Variants in MGA observed in about 807,000 individuals in gnomAD.
MGA encodes MAX dimerization protein MGA, also known as MAX gene-associated protein.
In MGA, 40 loss-of-function variants were observed where a neutral mutation model predicts 261.1. The observed-to-expected ratio is 0.15, with a 90% confidence interval of 0.12 to 0.20. The LOEUF is 0.20. Among genes scored for constraint, MGA ranks in the 10% least tolerant of loss-of-function variants. The probability of loss-of-function intolerance (pLI) is 1.00; values close to 1 mark genes in which losing one functional copy is unlikely to be tolerated. For synonymous variants in MGA, 1,302 were observed against 1,290.6 expected (o/e 1.01, Z -0.19); for missense variants, 3,397 against 3,630.5 (o/e 0.94, Z 1.65).
rs869061461 is a variant in MGA, at chr15:41,746,544, CAAA to C, written c.5213-2072_5213-2070del. On this transcript the variant is annotated intron_variant, in intron 15 of 23. Coordinates refer to ENST00000219905, the MANE Select transcript of MGA (RefSeq NM_001164273.2). Reference sequence around the variant, plus strand: ...TGGGCAACAGAGCGAGACTTCGTCTCAAAAAAAAAAAAAAAAAAAAAAAGGTAG... The same window carrying C: ...TGGGCAACAGAGCGAGACTTCGTCTCAAAAAAAAAAAAAAAAAAAAGGTAG... Among the ~76,000 whole-genome samples, 8 of 61,864 alleles carry C rather than the reference CAAA, an allele frequency of 1.3e-4. No individual in the cohort carries two copies. The South Asian group carries it at 5.0e-3, about 39-fold the overall frequency. 40.6% of individuals were successfully genotyped at this position (61,864 alleles called of 152,430 possible). A position where few individuals can be genotyped will look rare whatever the true frequency, so the allele number is the denominator to read the frequency against.
rs1284181834 is a variant in MGA, at chr15:41,696,530, A to G, written c.1520A>G (p.Tyr507Cys). Reference sequence around the variant, plus strand: ...TCTTCTATGTTGGCAGAATTGGAATATTTGCCTACATACATTGAAAATTCC... The same window carrying G: ...TCTTCTATGTTGGCAGAATTGGAATGTTTGCCTACATACATTGAAAATTCC... Residue 507 changes from tyrosine to cysteine, a missense_variant, in exon 3 of 24, where the codon TAT becomes TGT. Tyr to Cys is a radical substitution (Grantham distance 194, BLOSUM62 -2). Coordinates refer to ENST00000219905, the MANE Select transcript of MGA (RefSeq NM_001164273.2). 17 of 1,613,834 alleles carry G rather than the reference A, an allele frequency of 1.1e-5. No individual in the cohort carries two copies. The highest frequency in any genetic ancestry group is 1.3e-5 in the Non-Finnish European group (15 of 1,179,900).
At position 41,762,117 on chromosome 15, in the gene MGA, G is replaced by C; in HGVS notation, c.7511-12G>C. 6.3e-7 allele frequency: 1 copy of C among 1,596,714 alleles called. No individual in the cohort carries two copies. Among genetic ancestry groups the C allele is most frequent in the African/African-American group, 1.3e-5 (1 of 74,638 alleles). On this transcript the variant is annotated splice_polypyrimidine_tract_variant and intron_variant, in intron 21 of 23. Coordinates refer to ENST00000219905, the MANE Select transcript of MGA (RefSeq NM_001164273.2). Reference sequence around the variant, plus strand: ...AATGCTGAAAGTGCTAATGTATTCTGTTAACTTACAGGTAAGACAGAAGAA... The same window carrying C: ...AATGCTGAAAGTGCTAATGTATTCTCTTAACTTACAGGTAAGACAGAAGAA...
Position 41,696,909 on chromosome 15 carries a change from A to G in MGA, c.1899A>G (p.Gly633=), listed in dbSNP as rs1326067654. 6.3e-7 allele frequency: 1 copy of G among 1,599,970 alleles called. No homozygotes were observed. The highest frequency in any genetic ancestry group is 1.7e-5 in the Admixed American group (1 of 57,658). ...CAGGACGACCACCTAAGAACACAGG[A>G]AAGTCTTTAATTTCTACAAAGAATA... is the stretch of plus-strand genomic sequence containing the variant. Residue 633 remains glycine (G), a synonymous_variant, in exon 3 of 24, where the codon GGA becomes GGG. Transcript: ENST00000219905.
chr15:41,674,500 A>G (rs911553410), intron 2 of MGA, among the ~76,000 whole-genome samples: 2 of 151,746 alleles, frequency 1.3e-5, no homozygotes, highest in Admixed American at 6.6e-5. Context: ...GCCCAGCTTA[A>G]TAGTGATTAT....
At chr15:41,718,447 T>C in intron 9 of MGA, 1 of 1,026,278 alleles carries the variant, frequency 9.7e-7, no homozygotes, top group Non-Finnish European at 1.5e-6. Context: ...AGCTGAGGAA[T>C]AGCTTTGATT....
rs777334913 is a variant in MGA, at chr15:41,673,540, C to CTTTT, written c.1064+3598_1064+3601dup. Reference sequence around the variant, plus strand: ...GCTGTTGTAGTCTTTTTCTTTCTTTCTTTTTTTTTTTTTTTTTTTGAGATG... The same window carrying CTTTT: ...GCTGTTGTAGTCTTTTTCTTTCTTTCTTTTTTTTTTTTTTTTTTTTTTTGAGATG... On this transcript the variant is annotated intron_variant, in intron 2 of 23. Transcript: ENST00000219905. 2.1e-4 allele frequency among the ~76,000 whole-genome samples: 25 copies of CTTTT among 118,934 alleles called. 1 individual carries two copies. Among genetic ancestry groups the CTTTT allele is most frequent in the East Asian group, 5.1e-4 (2 of 3,928 alleles). The allele number at this position is 118,934 out of a possible 152,430, so 78.0% of individuals were successfully genotyped here.
intron 16 of MGA, 82 bp downstream of exon 16, chr15:41,749,009 T>C: frequency 1.3e-6 from 2 of 1,548,982 alleles, no homozygotes; most frequent in Non-Finnish European, 1.7e-6. Flanking sequence ...ATTGTTTTTC[T>C]TCATCTCTTA....
rs780870511 is a variant in MGA at position 41,760,280 on chromosome 15, A to G, written c.7192-43A>G. ...CATTTGAAACAGAGTAAGAGGGCCAACTACATGTTCAAGATGTTTAGGAGG... is the reference window on the plus strand; with the variant it reads ...CATTTGAAACAGAGTAAGAGGGCCAGCTACATGTTCAAGATGTTTAGGAGG... On this transcript the variant is annotated intron_variant, in intron 19 of 23. Transcript: ENST00000219905. 5.0e-6 allele frequency: 8 copies of G among 1,592,114 alleles called. No individual in the cohort carries two copies. The East Asian group carries it at 1.6e-4, about 31-fold the overall frequency.
At chr15:41,739,871 A>G (rs1200004066) in intron 13 of MGA, 35 bp from the exon 14 acceptor site, 1 of 1,591,008 alleles carries the variant, frequency 6.3e-7, no homozygotes, top group Non-Finnish European at 8.6e-7. Context: ...AGAGAATTTT[A>G]TCTTTACAGA....
intron 2 of MGA, among the ~76,000 whole-genome samples, chr15:41,680,271 G>T (rs183517158): frequency 3.9e-5 from 6 of 152,170 alleles, no homozygotes; most frequent in East Asian, 3.9e-4. Context: ...TTCTAGTTTT[G>T]CCCTTGTCAG....
upstream of MGA, among the ~76,000 whole-genome samples, chr15:41,656,367 T>TCTCTCTC (rs1566936569): frequency 2.9e-5 from 4 of 140,350 alleles, no homozygotes; most frequent in Non-Finnish European, 6.4e-5. Context: ...TCTCTCTCTC[T>TCTCTCTC]CTCTCTCTCT....
rs532936813 is a variant in MGA, at chr15:41,702,164, A to C, written c.2188+3005A>C. 9.9e-5 allele frequency among the ~76,000 whole-genome samples: 15 copies of C among 152,236 alleles called. No individual in the cohort carries two copies. The South Asian group carries it at 1.2e-3, about 13-fold the overall frequency. On this transcript the variant is annotated intron_variant, in intron 5 of 23. Coordinates refer to ENST00000219905, the MANE Select transcript of MGA (RefSeq NM_001164273.2). ...GCGAAACTCCGTCTCTACTAAAAATACAAAAAATTAGCCAGGTGTGGTGGT... is the reference window on the plus strand; with the variant it reads ...GCGAAACTCCGTCTCTACTAAAAATCCAAAAAATTAGCCAGGTGTGGTGGT...
At position 41,736,364 on chromosome 15, in the gene MGA, T is replaced by G; in HGVS notation, c.4100T>G (p.Leu1367Arg). 6.2e-7 allele frequency: 1 copy of G among 1,613,986 alleles called. No individual in the cohort carries two copies. Among genetic ancestry groups the G allele is most frequent in the Non-Finnish European group, 8.5e-7 (1 of 1,179,878 alleles). Reference sequence around the variant, plus strand: ...ATCAATAGCAACATGCCACAATCACTTAAGGTGGGCAGCTTCATCATTGAG... The same window carrying G: ...ATCAATAGCAACATGCCACAATCACGTAAGGTGGGCAGCTTCATCATTGAG... Residue 1367 changes from leucine (L) to arginine (R), a missense_variant, in exon 13 of 24, where the codon CTT (leucine) becomes CGT (arginine). By Grantham distance (102) the Leu-to-Arg change is moderately radical. Around this residue, in one of 9 missense-constraint regions of MGA, gnomAD observed 1,410 missense variants for 1,386.4 expected, o/e 1.02. Coordinates refer to ENST00000219905, the MANE Select transcript of MGA (RefSeq NM_001164273.2).
intron 5 of MGA, among the ~76,000 whole-genome samples, chr15:41,704,704 C>T (rs1047262075): frequency 6.6e-6 from 1 of 152,122 alleles, no homozygotes; most frequent in African/African-American, 2.4e-5. Flanking sequence ...TGGAGTTTTC[C>T]TTATAATATG....
Position 41,766,067 on chromosome 15 carries a change from G to A in MGA, c.7985G>A (p.Gly2662Asp), listed in dbSNP as rs765543275. 3 of 1,578,510 alleles carry A rather than the reference G, an allele frequency of 1.9e-6. No homozygotes were observed. Among genetic ancestry groups the A allele is most frequent in the African/African-American group, 1.4e-5 (1 of 73,952 alleles). Residue 2662 changes from glycine (G) to aspartate (D), a missense_variant, in exon 24 of 24, where the codon GGT (glycine) becomes GAT (aspartate). Physicochemically the swap from Gly to Asp is moderately conservative, Grantham distance 94. This residue lies in a region of MGA where 647 missense variants were observed against 642.4 expected (regional missense o/e 1.01). Coordinates refer to ENST00000219905, the MANE Select transcript of MGA (RefSeq NM_001164273.2). The stretch of plus-strand genomic sequence containing the variant: ...GTGACATCATTGGCCACAGAGGGAG[G>A]TTTGGTAGATATGGGTGGCAGCAAA...
chr15:41,703,372 C>CCA (rs2059949558), intron 5 of MGA, among the ~76,000 whole-genome samples: 1 of 135,114 alleles, frequency 7.4e-6, no homozygotes, highest in Non-Finnish European at 1.6e-5. Flanking sequence ...GAAGTTACCC[C>CCA]CCCCCCCACT....
chr15:41,699,647 G>A (rs940161162), intron 5 of MGA, among the ~76,000 whole-genome samples: 5 of 152,168 alleles, frequency 3.3e-5, no homozygotes, highest in Admixed American at 6.5e-5. Flanking sequence ...GACCACAGGC[G>A]CCTGCCACCG....
chr15:41,754,496 A>G lies in MGA; in HGVS notation c.7068A>G (p.Glu2356=). 2.5e-6 allele frequency: 4 copies of G among 1,572,384 alleles called. No homozygotes were observed. The highest frequency in any genetic ancestry group is 3.5e-6 in the Non-Finnish European group (4 of 1,156,926). Residue 2356 remains glutamate (E), a synonymous_variant, in exon 18 of 24, where the codon GAA becomes GAG. Transcript: ENST00000219905. The stretch of plus-strand genomic sequence containing the variant: ...AGCACGTGGACATTGAGACTGTAGA[A>G]GAGCTCTCAGAGGAAATTAATGTTG...
chr15:41,744,212 A>AT (rs990321818), intron 15 of MGA, among the ~76,000 whole-genome samples: 10 of 151,564 alleles, frequency 6.6e-5, no homozygotes, highest in Middle Eastern at 3.4e-3. Flanking sequence ...ATATATATAT[A>AT]TATTTTTTTG....
Sources: gnomAD v4.1 joint callset for allele counts (sites outside exome capture counted in the v4.1 genomes callset) on GRCh38, gnomAD v4.1.1 for gene constraint, gnomAD v4.1.1 regional missense constraint, MANE v1.5 for transcripts, NCBI Gene and HGNC (gene_info 2026-07-23, HGNC 2026-07-21) for gene names.